The following SLC12A2 variants were observed in gnomAD, a reference collection of about 807,000 sequenced individuals.
SLC12A2 encodes the protein solute carrier family 12 member 2, also known as Na-K-2Cl cotransporter 1.
A neutral mutation model predicts 136.3 loss-of-function variants in SLC12A2; 67 were observed. That is an observed-to-expected ratio of 0.49 (90% confidence interval 0.40 to 0.60). The LOEUF (loss-of-function observed/expected upper bound fraction) is 0.60. Ranked by LOEUF, SLC12A2 falls within the 20% of genes least tolerant of loss-of-function variation. SLC12A2 has a pLI of 0.00. For synonymous variants in SLC12A2, 619 were observed against 562.9 expected (o/e 1.10, Z -1.41); for missense variants, 1,322 against 1,534.7 (o/e 0.86, Z 2.32).
intron 1 of SLC12A2, chr5:128,110,778 A>G: frequency 6.8e-7 from 1 of 1,465,496 alleles, no homozygotes; most frequent in East Asian, 2.3e-5. Flanking sequence ...ATCACAATGA[A>G]GAGGCCAAAA....
intron 4 of SLC12A2, among the ~76,000 whole-genome samples, 194 bp from the exon 5 acceptor site, chr5:128,130,873 G>A (rs1401517809): frequency 2.0e-5 from 3 of 152,106 alleles, no homozygotes; most frequent in Non-Finnish European, 4.4e-5. Flanking sequence ...TCTGGATGTT[G>A]TGAATTGTTA....
chr5:128,110,570 A>G (rs778646959), intron 1 of SLC12A2: 5 of 1,179,934 alleles, frequency 4.2e-6, no homozygotes, highest in Middle Eastern at 3.8e-4. Flanking sequence ...TTCTTCAAGC[A>G]TAAGTATCAA....
intron 4 of SLC12A2, among the ~76,000 whole-genome samples, chr5:128,120,172 C>G (rs1761501449): frequency 6.6e-6 from 1 of 152,058 alleles, no homozygotes. Context: ...CCATCTCACA[C>G]CAGTTAGAAT....
chr5:128,157,929 G>T, intron 15 of SLC12A2, 124 bp from the exon 16 acceptor site: 1 of 675,814 alleles, frequency 1.5e-6, no homozygotes, highest in African/African-American at 1.9e-5. Flanking sequence ...GTCTTTTTGA[G>T]AATCCTGTGG....
rs369058298 is a variant in SLC12A2, at chr5:128,135,697, C to T, written c.1300-3C>T. The T allele has an allele frequency of 6.4e-6, 10 of 1,564,016 alleles. No individual in the cohort carries two copies. The highest frequency in any genetic ancestry group is 5.4e-5 in the African/African-American group (4 of 73,650). On this transcript the variant is annotated splice_region_variant and splice_polypyrimidine_tract_variant and intron_variant, in intron 6 of 26. Transcript: ENST00000262461. ...TTTTAATTTTTAATGTTTAAAATTG[C>T]AGGCTCAGATTGTTCTTTTGGTGAT...
At chr5:128,095,467 T>TGGAAATTTTGGTTCC (rs1463046083) in intron 1 of SLC12A2, among the ~76,000 whole-genome samples, 7 of 152,140 alleles carry the variant, frequency 4.6e-5, no homozygotes, top group Non-Finnish European at 8.8e-5. Context: ...CCAAAATTTC[T>TGGAAATTTTGGTTCC]AAAAGAACCA....
intron 22 of SLC12A2, among the ~76,000 whole-genome samples, chr5:128,179,618 A>G (rs1006199893): frequency 4.6e-5 from 7 of 152,280 alleles, no homozygotes; most frequent in African/African-American, 1.7e-4. Context: ...GGCACATCAC[A>G]TGATGAAAGC....
chr5:128,167,959 G>T, intron 18 of SLC12A2, 92 bp downstream of exon 18: 1 of 665,862 alleles, frequency 1.5e-6, no homozygotes, highest in Non-Finnish European at 2.5e-6. Flanking sequence ...TTCTCATATA[G>T]TCTCTTGTAA....
At chr5:128,118,989 T>G (rs899841947) in intron 4 of SLC12A2, among the ~76,000 whole-genome samples, 5 of 152,128 alleles carry the variant, frequency 3.3e-5, no homozygotes, top group African/African-American at 1.2e-4. Flanking sequence ...GTTAATGGTT[T>G]AAAACAAACT....
chr5:128,134,748 T>C (rs747143407), intron 6 of SLC12A2, among the ~76,000 whole-genome samples: 1 of 152,094 alleles, frequency 6.6e-6, no homozygotes, highest in African/African-American at 2.4e-5. Flanking sequence ...AAGTCACATG[T>C]TACCCATAAG....
At chr5:128,154,551 TTCTC>T (rs1280208320) in intron 15 of SLC12A2, among the ~76,000 whole-genome samples, 1 of 152,198 alleles carries the variant, frequency 6.6e-6, no homozygotes, top group Non-Finnish European at 1.5e-5. Context: ...ATATCCCTCT[TTCTC>T]TCACAACTAC....
At chr5:128,133,086 CAG>C (rs2126700388) in intron 5 of SLC12A2, among the ~76,000 whole-genome samples, 2 of 151,740 alleles carry the variant, frequency 1.3e-5, no homozygotes, top group East Asian at 3.9e-4. Flanking sequence ...AAGTAATTCT[CAG>C]ATATGATTTT....
intron 1 of SLC12A2, among the ~76,000 whole-genome samples, chr5:128,088,666 C>A (rs923828731): frequency 5.3e-5 from 8 of 152,040 alleles, no homozygotes; most frequent in Non-Finnish European, 1.2e-4. Context: ...TGCAGTTGTC[C>A]TTGGGCCAAG....
chr5:128,126,957 TATATATATA>T (rs1163565942), intron 4 of SLC12A2, among the ~76,000 whole-genome samples: 2 of 36,288 alleles, frequency 5.5e-5, no homozygotes, highest in African/African-American at 4.1e-4. Flanking sequence ...TATATATATA[TATATATATA>T]TTTTTTTTTT....
chr5:128,094,279 G>A (rs1484307993), intron 1 of SLC12A2, among the ~76,000 whole-genome samples: 2 of 150,886 alleles, frequency 1.3e-5, no homozygotes, highest in East Asian at 3.9e-4. Flanking sequence ...TTGAATAATA[G>A]GCCTAATTCT....
chr5:128,119,953 T>C (rs1040185518), intron 4 of SLC12A2, among the ~76,000 whole-genome samples: 4 of 152,058 alleles, frequency 2.6e-5, no homozygotes, highest in Admixed American at 2.6e-4. Context: ...TTTCCCAACC[T>C]ACTCATCTGA....
intron 7 of SLC12A2, among the ~76,000 whole-genome samples, chr5:128,138,200 A>G (rs890307310): frequency 5.9e-5 from 9 of 152,122 alleles, no homozygotes; most frequent in Admixed American, 2.6e-4. Context: ...CGGTCTCCCA[A>G]CGTGCTGAAA....
chr5:128,119,177 A>G (rs537655927), intron 4 of SLC12A2, among the ~76,000 whole-genome samples: 46 of 152,336 alleles, frequency 3.0e-4, no homozygotes, highest in African/African-American at 8.9e-4. Context: ...TAGAGCTAGA[A>G]TTATCCAGAG....
At chr5:128,113,346 C>G (rs979511519) in intron 2 of SLC12A2, among the ~76,000 whole-genome samples, 9 of 152,084 alleles carry the variant, frequency 5.9e-5, no homozygotes, top group Non-Finnish European at 1.2e-4. Context: ...CATTATATTT[C>G]GAAGAGAAGC....
Sources: allele counts gnomAD v4.1 joint callset (sites outside exome capture counted in the v4.1 genomes callset), GRCh38; gene constraint gnomAD v4.1.1; transcripts MANE v1.5; gene names NCBI Gene and HGNC (gene_info 2026-07-23, HGNC 2026-07-21).